The following MCUB variants were observed in gnomAD, a reference collection of about 807,000 sequenced individuals.
MCUB encodes mitochondrial calcium uniporter dominant negative subunit beta.
MCUB carries 46 observed loss-of-function variants against 41.4 expected under a neutral mutation model. That is an observed-to-expected ratio of 1.11 (90% CI 0.88 to 1.42). The LOEUF (loss-of-function observed/expected upper bound fraction) is 1.42. Among genes scored for constraint, MCUB ranks in the 40% most tolerant of loss-of-function variants. The pLI is 0.00. For synonymous variants in MCUB, 148 were observed against 148.2 expected (o/e 1.00, Z 0.01); for missense variants, 403 against 404.9 (o/e 1.00, Z 0.04).
At chr4:109,561,890 C>T (rs888588142) in intron 1 of MCUB, among the ~76,000 whole-genome samples, 1 of 151,912 alleles carries the variant, frequency 6.6e-6, no homozygotes, top group Non-Finnish European at 1.5e-5. Context: ...ATAGGATGAC[C>T]GGCGCGCGCC....
intron 1 of MCUB, among the ~76,000 whole-genome samples, chr4:109,618,616 A>G (rs1728179696): frequency 6.6e-6 from 1 of 152,250 alleles, no homozygotes; most frequent in Non-Finnish European, 1.5e-5. Context: ...CTAAATGGCA[A>G]GTGAGAAAAC....
At chr4:109,644,532 C>G (rs1446786550) in intron 1 of MCUB, among the ~76,000 whole-genome samples, 3 of 152,120 alleles carry the variant, frequency 2.0e-5, no homozygotes, top group East Asian at 1.9e-4. Flanking sequence ...TACTATTTAC[C>G]TATTGTTAGG....
intron 1 of MCUB, among the ~76,000 whole-genome samples, chr4:109,640,922 A>C (rs891833312): frequency 6.6e-6 from 1 of 152,204 alleles, no homozygotes; most frequent in Admixed American, 6.5e-5. Context: ...TTCCTCACTA[A>C]GCTTAATTAT....
At chr4:109,612,978 C>T (rs1236766753) in intron 1 of MCUB, among the ~76,000 whole-genome samples, 7 of 151,900 alleles carry the variant, frequency 4.6e-5, no homozygotes, top group South Asian at 2.1e-4. Flanking sequence ...TGGTGGCGGG[C>T]GTCTGTAGTC....
chr4:109,680,058 T>C (rs1315878032), intron 4 of MCUB, among the ~76,000 whole-genome samples: 1 of 152,154 alleles, frequency 6.6e-6, no homozygotes, highest in East Asian at 1.9e-4. Context: ...CACCTTGGCC[T>C]CCCAAAGTGC....
At chr4:109,618,207 TA>T (rs1728171822) in intron 1 of MCUB, among the ~76,000 whole-genome samples, 1 of 152,218 alleles carries the variant, frequency 6.6e-6, no homozygotes, top group South Asian at 2.1e-4. Context: ...ACTGTGGAGT[TA>T]ATGCCCCTTC....
chr4:109,676,674 T>C (rs1413396236), intron 4 of MCUB, among the ~76,000 whole-genome samples: 1 of 152,230 alleles, frequency 6.6e-6, no homozygotes, highest in Non-Finnish European at 1.5e-5. Flanking sequence ...TCTTAATCTG[T>C]TTTCTGCTGC....
intron 1 of MCUB, among the ~76,000 whole-genome samples, chr4:109,629,049 T>C (rs1728420525): frequency 6.6e-6 from 1 of 152,248 alleles, no homozygotes; most frequent in Non-Finnish European, 1.5e-5. Flanking sequence ...GGTAGGGTCT[T>C]AGCGAAATTT....
At chr4:109,649,587 A>G (rs1728914086) in intron 1 of MCUB, among the ~76,000 whole-genome samples, 1 of 152,000 alleles carries the variant, frequency 6.6e-6, no homozygotes. Flanking sequence ...CCGTCTATTA[A>G]TTCACCTTAT....
At chr4:109,672,357 T>G (rs1188689098) in intron 4 of MCUB, among the ~76,000 whole-genome samples, 1 of 152,162 alleles carries the variant, frequency 6.6e-6, no homozygotes, top group Non-Finnish European at 1.5e-5. Flanking sequence ...GAGAACCTGG[T>G]AAGGTTCCAG....
rs199863518 is a variant in MCUB at position 109,660,243 on chromosome 4, T to C, written c.224T>C (p.Leu75Ser). ...RHGLPLVTLT[L>S]PSRKERCQFV... Reference sequence around the variant, plus strand: ...GGCCTTCCCTTGGTAACACTTACCTTGCCATCTAGAAAAGAACGTTGTCAA... The same window carrying C: ...GGCCTTCCCTTGGTAACACTTACCTCGCCATCTAGAAAAGAACGTTGTCAA... The change falls in exon 3 of 8, where the codon TTG (leucine) becomes TCG (serine). Residue 75 changes from leucine to serine, a missense_variant. By Grantham distance (145) the Leu-to-Ser change is moderately radical. Transcript: ENST00000394650. 8.9e-5 allele frequency: 143 copies of C among 1,603,042 alleles called. 1 individual carries two copies. In the Admixed American group the frequency reaches 2.3e-3, roughly 26 times the overall value.
At chr4:109,610,921 G>A (rs1343326144) in intron 1 of MCUB, among the ~76,000 whole-genome samples, 5 of 152,176 alleles carry the variant, frequency 3.3e-5, no homozygotes, top group African/African-American at 1.2e-4. Context: ...ATCTTCTCCC[G>A]TACCCAGATC....
chr4:109,564,465 A>T (rs1194623390), intron 1 of MCUB, among the ~76,000 whole-genome samples: 2 of 152,160 alleles, frequency 1.3e-5, no homozygotes, highest in African/African-American at 2.4e-5. Context: ...GTCTAGCCCC[A>T]TATCTTGCCT....
At chr4:109,606,948 T>C (rs1344079310) in intron 1 of MCUB, among the ~76,000 whole-genome samples, 4 of 151,814 alleles carry the variant, frequency 2.6e-5, no homozygotes, top group Non-Finnish European at 4.4e-5. Context: ...GGTTTCACCA[T>C]GTTGGCCAGG....
intron 1 of MCUB, among the ~76,000 whole-genome samples, chr4:109,618,467 G>A (rs1443242118): frequency 6.6e-6 from 1 of 152,088 alleles, no homozygotes; most frequent in Admixed American, 6.6e-5. Context: ...TTTATGATAA[G>A]ATGACCTCCC....
intron 1 of MCUB, among the ~76,000 whole-genome samples, chr4:109,613,536 C>A (rs966262592): frequency 7.9e-5 from 12 of 152,194 alleles, no homozygotes; most frequent in African/African-American, 2.9e-4. Flanking sequence ...ACTTGGTCCT[C>A]TTCAACATGG....
chr4:109,612,809 A>G (rs1007983760), intron 1 of MCUB, among the ~76,000 whole-genome samples: 1 of 152,154 alleles, frequency 6.6e-6, no homozygotes, highest in Non-Finnish European at 1.5e-5. Context: ...AAATCCTAAT[A>G]AGAATACAGG....
chr4:109,593,177 GGAT>G (rs1727477778), intron 1 of MCUB, among the ~76,000 whole-genome samples: 1 of 152,148 alleles, frequency 6.6e-6, no homozygotes, highest in African/African-American at 2.4e-5. Context: ...GGGGCAGTTA[GGAT>G]GATACCCAAA....
chr4:109,605,679 A>G (rs1727853910), intron 1 of MCUB, among the ~76,000 whole-genome samples: 1 of 152,134 alleles, frequency 6.6e-6, no homozygotes, highest in Non-Finnish European at 1.5e-5. Context: ...TTTTAGCTCT[A>G]ATAATATTTG....
Sources: allele counts gnomAD v4.1 joint callset (sites outside exome capture counted in the v4.1 genomes callset), GRCh38; gene constraint gnomAD v4.1.1; transcripts MANE v1.5; gene names NCBI Gene and HGNC (gene_info 2026-07-23, HGNC 2026-07-21).